Variants in FAM13C observed in about 807,000 individuals in gnomAD.
FAM13C encodes the protein protein FAM13C.
FAM13C carries 37 observed loss-of-function variants against 73.2 expected under a neutral mutation model. The ratio of observed to expected loss-of-function variants is 0.51; its 90% CI spans 0.39 to 0.67. The LOEUF is 0.67. Ranked by LOEUF, FAM13C falls within the 30% of genes least tolerant of loss-of-function variation. The pLI is 0.00. For synonymous variants in FAM13C, 246 were observed against 260.9 expected (o/e 0.94, Z 0.55); for missense variants, 589 against 715.6 (o/e 0.82, Z 2.02).
chr10:59,359,754 C>A (rs1165709850), intron 1 of FAM13C, among the ~76,000 whole-genome samples: 1 of 152,244 alleles, frequency 6.6e-6, no homozygotes, highest in African/African-American at 2.4e-5. Context: ...ATACAATCAC[C>A]CATTCTGGGT....
intron 5 of FAM13C, chr10:59,297,042 A>AC (rs1221089773): frequency 6.6e-6 from 1 of 152,088 alleles, no homozygotes; most frequent in Non-Finnish European, 1.5e-5. Context: ...TTATCCTCTC[A>AC]CTCTAACCCA....
At chr10:59,298,484 C>T (rs1847179260) in intron 5 of FAM13C, among the ~76,000 whole-genome samples, 1 of 152,108 alleles carries the variant, frequency 6.6e-6, no homozygotes, top group South Asian at 2.1e-4. Context: ...TGATAACTTC[C>T]TTCTGTATGA....
chr10:59,307,007 G>T (rs566329444), intron 4 of FAM13C, among the ~76,000 whole-genome samples: 1 of 151,936 alleles, frequency 6.6e-6, no homozygotes, highest in Non-Finnish European at 1.5e-5. Context: ...AAAGAGATGC[G>T]GTAATCAAAA....
intron 5 of FAM13C, among the ~76,000 whole-genome samples, chr10:59,299,564 T>C (rs967454945): frequency 6.6e-6 from 1 of 152,120 alleles, no homozygotes; most frequent in African/African-American, 2.4e-5. Flanking sequence ...TATAAATATG[T>C]TATTTTTCTT....
intron 5 of FAM13C, among the ~76,000 whole-genome samples, chr10:59,289,144 G>A (rs1486393028): frequency 6.6e-6 from 1 of 152,178 alleles, no homozygotes; most frequent in African/African-American, 2.4e-5. Flanking sequence ...AAAGGAGCAC[G>A]CAACATAGAT....
chr10:59,291,294 C>A (rs540228672), intron 5 of FAM13C, among the ~76,000 whole-genome samples: 3 of 152,306 alleles, frequency 2.0e-5, no homozygotes, highest in Non-Finnish European at 4.4e-5. Context: ...CACAGTGGGA[C>A]TTCTCCCAAT....
chr10:59,309,846 T>C (rs568128906), intron 4 of FAM13C, among the ~76,000 whole-genome samples: 152 of 152,330 alleles, frequency 1.0e-3, no homozygotes, highest in African/African-American at 3.5e-3. Flanking sequence ...TAGGCACTCA[T>C]ATGTTTGTAA....
At chr10:59,278,341 C>A (rs1468196596) in intron 6 of FAM13C, among the ~76,000 whole-genome samples, 1 of 152,162 alleles carries the variant, frequency 6.6e-6, no homozygotes, top group African/African-American at 2.4e-5. Flanking sequence ...TCATAGAGTT[C>A]TTGTGCAGAA....
chr10:59,281,970 AG>A (rs1385934289), intron 6 of FAM13C, among the ~76,000 whole-genome samples: 2 of 152,170 alleles, frequency 1.3e-5, no homozygotes, highest in African/African-American at 4.8e-5. Flanking sequence ...TCTGGTGTTG[AG>A]GGAAGAAAAG....
intron 2 of FAM13C, 149 bp from the exon 3 acceptor site, chr10:59,352,623 T>G: frequency 2.8e-6 from 2 of 714,812 alleles, no homozygotes; most frequent in Non-Finnish European, 4.5e-6. Context: ...CAATTTTGCA[T>G]GAACAAAAAC....
chr10:59,349,847 T>C (rs1373441986), intron 3 of FAM13C, among the ~76,000 whole-genome samples: 2 of 152,216 alleles, frequency 1.3e-5, no homozygotes, highest in Non-Finnish European at 2.9e-5. Flanking sequence ...ATTTTTATTG[T>C]TCTATTTTTG....
At chr10:59,338,396 G>A (rs1265827141) in intron 3 of FAM13C, among the ~76,000 whole-genome samples, 8 of 152,182 alleles carry the variant, frequency 5.3e-5, no homozygotes, top group East Asian at 1.9e-4. Flanking sequence ...CTCCAATGTC[G>A]GTTGTTAAAG....
At position 59,304,009 on chromosome 10, in the gene FAM13C, G is replaced by A. The variant is rs112918313; in HGVS notation, c.444-1145C>T. 2.4e-3 allele frequency among the ~76,000 whole-genome samples: 359 copies of A among 152,156 alleles called. 2 individuals are homozygous for A. Among genetic ancestry groups the A allele is most frequent in the African/African-American group, 8.1e-3 (337 of 41,502 alleles). On this transcript the variant is annotated intron_variant, in intron 4 of 13. Coordinates refer to ENST00000618804, the MANE Select transcript of FAM13C (RefSeq NM_198215.4). ...CTAAAAGTACAAAAATTAGTGGGGC[G>A]TGGTGGCAGGCACCTGTAGTCCCAG...
chr10:59,312,268 G>T (rs954610465), intron 4 of FAM13C, among the ~76,000 whole-genome samples: 1 of 152,134 alleles, frequency 6.6e-6, no homozygotes, highest in Non-Finnish European at 1.5e-5. Flanking sequence ...TGGAACACAA[G>T]AATATTTTTC....
intron 5 of FAM13C, among the ~76,000 whole-genome samples, chr10:59,287,336 CAAAAAAAAAA>C (rs58759332): frequency 1.9e-4 from 14 of 73,814 alleles, no homozygotes; most frequent in South Asian, 8.0e-4. Context: ...GACTCTGTCT[CAAAAAAAAAA>C]AAAAAAAAAA....
chr10:59,356,018 T>C lies in FAM13C; in HGVS notation c.63-75A>G, dbSNP rs1000551944. The C allele has an allele frequency of 2.1e-5, 29 of 1,389,026 alleles. No individual in the cohort carries two copies. The South Asian group carries it at 3.1e-4, about 15-fold the overall frequency. 86.0% of individuals were successfully genotyped at this position (1,389,026 alleles called of 1,614,324 possible). The stretch of plus-strand genomic sequence containing the variant: ...CAGTAGTAGCAATAATCTAGAATTG[T>C]CTCAAGATTACCATGGAAAACTAAA... On this transcript the variant is annotated intron_variant, in intron 1 of 13. Coordinates refer to ENST00000618804, the MANE Select transcript of FAM13C (RefSeq NM_198215.4).
At chr10:59,311,231 G>C (rs746779392) in intron 4 of FAM13C, among the ~76,000 whole-genome samples, 1 of 152,184 alleles carries the variant, frequency 6.6e-6, no homozygotes, top group Non-Finnish European at 1.5e-5. Flanking sequence ...CAGTGAGTCA[G>C]GTGCACAGGG....
intron 4 of FAM13C, 139 bp from the exon 5 acceptor site, chr10:59,303,003 A>G (rs1847777873): frequency 1.4e-6 from 1 of 692,622 alleles, no homozygotes; most frequent in African/African-American, 1.8e-5. Context: ...AATAAAATAC[A>G]GACTCCTTAC....
At chr10:59,270,585 GT>G (rs1209452412) in intron 6 of FAM13C, among the ~76,000 whole-genome samples, 1 of 151,948 alleles carries the variant, frequency 6.6e-6, no homozygotes, top group Non-Finnish European at 1.5e-5. Flanking sequence ...GGGGAGAGGA[GT>G]CCCCAGAAAG....
Sources: allele counts gnomAD v4.1 joint callset (sites outside exome capture counted in the v4.1 genomes callset), GRCh38; gene constraint gnomAD v4.1.1; transcripts MANE v1.5; gene names NCBI Gene and HGNC (gene_info 2026-07-23, HGNC 2026-07-21).